Variants in TRIM44 observed in about 807,000 individuals in gnomAD.
The protein encoded by TRIM44 is tripartite motif containing 44, also known as tripartite motif-containing protein 44.
Under a neutral mutation model 37.4 loss-of-function variants are expected in TRIM44, and 13 were observed. The ratio of observed to expected loss-of-function variants is 0.35; its 90% CI spans 0.23 to 0.55. TRIM44 has a LOEUF of 0.55. TRIM44 is among the 20% of genes least tolerant of loss of function. The pLI is 0.89. For synonymous variants in TRIM44, 175 were observed against 157.2 expected, an observed-to-expected ratio of 1.11 and a Z score of -0.85; for missense variants, 426 against 437.2, an observed-to-expected ratio of 0.97 and a Z score of 0.23.
rs1342458499 is a variant in TRIM44 at position 35,662,823 on chromosome 11, G to A, written c.-289G>A. ...GGTAGCGGGAGGCTGAGCGGGCGGC[G>A]CGACGCGGGGGCCGACGGGGGCGCC... On this transcript the variant is annotated 5_prime_UTR_variant, in exon 1 of 5. Coordinates refer to ENST00000299413, the MANE Select transcript of TRIM44 (RefSeq NM_017583.6). 1 of 288,432 alleles carries A rather than the reference G, an allele frequency of 3.5e-6. No individual in the cohort carries two copies. The allele number at this position is 288,432 out of a possible 1,614,324, so 17.9% of individuals were successfully genotyped here.
chr11:35,759,372 T>C (rs1207229140), intron 4 of TRIM44, among the ~76,000 whole-genome samples: 4 of 152,226 alleles, frequency 2.6e-5, no homozygotes, highest in African/African-American at 9.6e-5. Context: ...AGGACCTCTC[T>C]GCATTGGTTA....
chr11:35,685,202 G>A, intron 1 of TRIM44, 57 bp from the exon 2 acceptor site: 4 of 1,421,388 alleles, frequency 2.8e-6, no homozygotes, highest in Non-Finnish European at 4.0e-6. Context: ...AATGCTGTTT[G>A]TGTTTGAGAG....
rs567329978 is a variant in TRIM44, at chr11:35,753,458, T to C, written c.1007+18013T>C. 1.9e-4 allele frequency among the ~76,000 whole-genome samples: 29 copies of C among 152,298 alleles called. No individual in the cohort carries two copies. In the South Asian group the frequency reaches 4.8e-3, roughly 25 times the overall value. Reference sequence around the variant, plus strand: ...CATTCTCAGACACTGGCCTAAAGAATAACTTGTCCAAGCCATATGGTTTCC... The same window carrying C: ...CATTCTCAGACACTGGCCTAAAGAACAACTTGTCCAAGCCATATGGTTTCC... On this transcript the variant is annotated intron_variant, in intron 4 of 4. Coordinates refer to ENST00000299413, the MANE Select transcript of TRIM44 (RefSeq NM_017583.6).
At chr11:35,722,547 C>T (rs1227485816) in intron 2 of TRIM44, among the ~76,000 whole-genome samples, 1 of 152,172 alleles carries the variant, frequency 6.6e-6, no homozygotes, top group East Asian at 1.9e-4. Context: ...TTATTCATGC[C>T]TCCCCTTTTT....
chr11:35,758,987 C>G (rs577924455), intron 4 of TRIM44, among the ~76,000 whole-genome samples: 52 of 152,256 alleles, frequency 3.4e-4, no homozygotes, highest in Non-Finnish European at 6.2e-4. Flanking sequence ...CTTGGAGTTG[C>G]TCTTCTCAAG....
intron 2 of TRIM44, among the ~76,000 whole-genome samples, chr11:35,701,324 T>C (rs1851785491): frequency 6.6e-6 from 1 of 152,118 alleles, no homozygotes; most frequent in Non-Finnish European, 1.5e-5. Context: ...CCCAGGCTGT[T>C]AGAGCTTGAA....
intron 4 of TRIM44, among the ~76,000 whole-genome samples, chr11:35,766,053 A>C (rs1459743193): frequency 6.6e-6 from 1 of 152,188 alleles, no homozygotes; most frequent in East Asian, 1.9e-4. Flanking sequence ...TTACTCTCAC[A>C]GTCTTCTTTC....
intron 3 of TRIM44, among the ~76,000 whole-genome samples, chr11:35,730,930 G>C (rs144085620): frequency 6.7e-6 from 1 of 148,852 alleles, no homozygotes; most frequent in African/African-American, 2.5e-5. Context: ...GCTCACTGCA[G>C]ATATTAGCCT....
chr11:35,715,649 G>A (rs1019063029), intron 2 of TRIM44, among the ~76,000 whole-genome samples: 2 of 152,008 alleles, frequency 1.3e-5, no homozygotes, highest in African/African-American at 2.4e-5. Flanking sequence ...ACTGAGATAG[G>A]GGGTGTATTA....
intron 4 of TRIM44, among the ~76,000 whole-genome samples, chr11:35,761,523 T>C (rs1229300908): frequency 6.6e-6 from 1 of 152,154 alleles, no homozygotes; most frequent in Non-Finnish European, 1.5e-5. Flanking sequence ...CTAATACTGA[T>C]TGAGGGCCTA....
intron 4 of TRIM44, among the ~76,000 whole-genome samples, chr11:35,767,365 G>A (rs972913526): frequency 2.3e-4 from 35 of 152,194 alleles, no homozygotes; most frequent in African/African-American, 8.2e-4. Flanking sequence ...CCAAACTTGT[G>A]AACATACAAG....
intron 4 of TRIM44, among the ~76,000 whole-genome samples, chr11:35,748,983 A>G (rs894654010): frequency 6.6e-6 from 1 of 152,210 alleles, no homozygotes; most frequent in African/African-American, 2.4e-5. Context: ...TTCATGGGAA[A>G]AAATGCCATA....
intron 1 of TRIM44, among the ~76,000 whole-genome samples, chr11:35,671,897 A>G (rs1851397164): frequency 6.6e-6 from 1 of 152,208 alleles, no homozygotes; most frequent in African/African-American, 2.4e-5. Flanking sequence ...TCATAGAAAA[A>G]TAGTTATGCA....
intron 2 of TRIM44, among the ~76,000 whole-genome samples, chr11:35,714,016 G>A (rs911356669): frequency 1.3e-5 from 2 of 152,140 alleles, no homozygotes; most frequent in African/African-American, 2.4e-5. Context: ...TTGAAACTGA[G>A]GCAAGGAGCC....
At position 35,806,586 on chromosome 11, in the gene TRIM44, TG is replaced by T. The variant is rs1383703704; in HGVS notation, c.*202del. On this transcript the variant is annotated 3_prime_UTR_variant, in exon 5 of 5. Coordinates refer to ENST00000299413, the MANE Select transcript of TRIM44 (RefSeq NM_017583.6). Reference sequence around the variant, plus strand: ...TACTGTGTGCTTCTCATCCCCTGGTTGTGGTAGGTCAAGGAAAAGAGCCCCT... The same window carrying T: ...TACTGTGTGCTTCTCATCCCCTGGTTTGGTAGGTCAAGGAAAAGAGCCCCT... 1 of 585,476 alleles carries T rather than the reference TG, an allele frequency of 1.7e-6. No individual in the cohort carries two copies. Among genetic ancestry groups the T allele is most frequent in the East Asian group, 2.9e-5 (1 of 34,178 alleles). The allele number at this position is 585,476 out of a possible 1,614,324, so 36.3% of individuals were successfully genotyped here. A position where few individuals can be genotyped will look rare whatever the true frequency, so the allele number is the denominator to read the frequency against.
chr11:35,793,440 G>C (rs1055972224), intron 4 of TRIM44, among the ~76,000 whole-genome samples: 2 of 152,088 alleles, frequency 1.3e-5, no homozygotes, highest in Non-Finnish European at 2.9e-5. Flanking sequence ...CAGGAGAGTC[G>C]CTTGAACCCA....
At position 35,809,511 on chromosome 11, in the gene TRIM44, A is replaced by G. The variant is rs1311292197; in HGVS notation, c.*3126A>G. 1 of 152,134 alleles carries G rather than the reference A, an allele frequency of 6.6e-6. No homozygotes were observed. The highest frequency in any genetic ancestry group is 1.5e-5 in the Non-Finnish European group (1 of 68,036). 9.4% of individuals were successfully genotyped at this position (152,134 alleles called of 1,614,324 possible). A position where few individuals can be genotyped will look rare whatever the true frequency, so the allele number is the denominator to read the frequency against. On this transcript the variant is annotated 3_prime_UTR_variant, in exon 5 of 5. Transcript: ENST00000299413. The stretch of plus-strand genomic sequence containing the variant: ...CCTTTAGCAGATGCTTTAAGTACAC[A>G]TTGCTGACTTGAGCCCACCCCCAGG...
rs1853549051 is a variant in TRIM44, at chr11:35,813,481, T to G, written c.*7096T>G. ...CTATTTGCTCTTCCTTCACACATAT[T>G]TCTAACTGTAAAGGAAAGAAACAGA... On this transcript the variant is annotated 3_prime_UTR_variant, in exon 5 of 5. Transcript: ENST00000299413. 6.6e-6 allele frequency: 1 copy of G among 152,160 alleles called. No individual in the cohort carries two copies. Among genetic ancestry groups the G allele is most frequent in the South Asian group, 2.1e-4 (1 of 4,826 alleles). 9.4% of individuals were successfully genotyped at this position (152,160 alleles called of 1,614,324 possible).
chr11:35,727,035 G>T (rs1852184118), intron 3 of TRIM44, among the ~76,000 whole-genome samples: 1 of 151,852 alleles, frequency 6.6e-6, no homozygotes, highest in African/African-American at 2.4e-5. Flanking sequence ...GGTCTCACCT[G>T]CCTGTAGTCC....
Sources: gnomAD v4.1 joint callset for allele counts (sites outside exome capture counted in the v4.1 genomes callset) on GRCh38, gnomAD v4.1.1 for gene constraint, MANE v1.5 for transcripts, NCBI Gene and HGNC (gene_info 2026-07-23, HGNC 2026-07-21) for gene names.